The following MAN1A1 variants were observed in gnomAD, a reference collection of about 807,000 sequenced individuals.
The protein encoded by MAN1A1 is mannosyl-oligosaccharide 1,2-alpha-mannosidase IA.
In MAN1A1, 29 loss-of-function variants were observed where a neutral mutation model predicts 70.8. The ratio of observed to expected loss-of-function variants is 0.41; its 90% CI spans 0.31 to 0.56. MAN1A1 has a LOEUF of 0.56. Ranked by LOEUF, MAN1A1 falls within the 20% of genes least tolerant of loss-of-function variation. The pLI is 0.29. For missense variants in MAN1A1, 747 were observed against 841.3 expected (o/e 0.89, Z 1.39); for synonymous variants, 349 against 330.1 (o/e 1.06, Z -0.62).
intron 2 of MAN1A1, among the ~76,000 whole-genome samples, chr6:119,328,550 A>G (rs896404800): frequency 3.9e-5 from 6 of 152,250 alleles, no homozygotes; most frequent in Non-Finnish European, 7.3e-5. Flanking sequence ...ATAAAAACAG[A>G]GAAAAATAAT....
At chr6:119,290,803 A>G (rs1776517589) in intron 4 of MAN1A1, 40 bp from the exon 5 acceptor site, 8 of 1,264,768 alleles carry the variant, frequency 6.3e-6, no homozygotes, top group Non-Finnish European at 8.0e-6. Context: ...ATAGTACACA[A>G]TTCAGAAAAC....
intron 6 of MAN1A1, among the ~76,000 whole-genome samples, chr6:119,222,544 C>T (rs1055550557): frequency 2.0e-5 from 3 of 151,986 alleles, no homozygotes; most frequent in African/African-American, 7.2e-5. Context: ...CCAGGCTGGT[C>T]TCAAACTCCT....
At chr6:119,280,929 A>G (rs1439811991) in intron 5 of MAN1A1, among the ~76,000 whole-genome samples, 2 of 152,252 alleles carry the variant, frequency 1.3e-5, no homozygotes, top group African/African-American at 4.8e-5. Context: ...GGTGGAAGGA[A>G]AAGCACCAGG....
chr6:119,320,405 A>T (rs1772974299), intron 2 of MAN1A1, among the ~76,000 whole-genome samples: 1 of 152,236 alleles, frequency 6.6e-6, no homozygotes, highest in South Asian at 2.1e-4. Context: ...TAGAGTGATC[A>T]GCTCAAAACT....
chr6:119,306,991 A>C lies in MAN1A1; in HGVS notation c.605T>G (p.Met202Arg). 1.3e-6 allele frequency: 2 copies of C among 1,550,986 alleles called. No individual in the cohort carries two copies. The highest frequency in any genetic ancestry group is 1.8e-6 in the Non-Finnish European group (2 of 1,126,230). Residue 202 changes from methionine to arginine, a missense_variant and splice_region_variant, in exon 3 of 13, where the codon ATG (methionine) becomes AGG (arginine). Around this residue, in one of 2 missense-constraint regions of MAN1A1, gnomAD observed 328 missense variants for 293.1 expected, o/e 1.12. Transcript: ENST00000368468. ...ATAATTATTCCAAGCATGTTTCATC[A>C]TCTGAAAAAAAAAATAAAAACAGGA... ...IREKRAKIKE[M>R]MKHAWNNYKG...
Position 119,348,831 on chromosome 6 carries a change from C to T in MAN1A1, c.235G>A (p.Ala79Thr), listed in dbSNP as rs774702832. 116 of 1,477,654 alleles carry T rather than the reference C, an allele frequency of 7.9e-5. No homozygotes were observed. The highest frequency in any genetic ancestry group is 1.0e-4 in the Non-Finnish European group (114 of 1,111,784). The allele number at this position is 1,477,654 out of a possible 1,614,324, so 91.5% of individuals were successfully genotyped here. A position where few individuals can be genotyped will look rare whatever the true frequency, so the allele number is the denominator to read the frequency against. Residue 79 changes from alanine to threonine, a missense_variant, in exon 2 of 13, where the codon GCC becomes ACC. Around this residue, in one of 2 missense-constraint regions of MAN1A1, gnomAD observed 328 missense variants for 293.1 expected, o/e 1.12. Transcript: ENST00000368468. ...LSGVLFHSSP[A>T]LQPAADHKPG... The stretch of plus-strand genomic sequence containing the variant: ...TTGTGGTCGGCGGCCGGCTGCAAGG[C>T]GGGGCTGGAGTGGAACAGGACCCCG...
At chr6:119,349,832 G>T, upstream of MAN1A1, 1 of 865,814 alleles carries the variant, frequency 1.2e-6, no homozygotes, top group Non-Finnish European at 1.4e-6. Context: ...CGGCGCGGCC[G>T]GGCCAATCAC....
intron 2 of MAN1A1, 106 bp from the exon 3 acceptor site, chr6:119,307,098 T>C: frequency 1.4e-6 from 1 of 713,640 alleles, no homozygotes; most frequent in East Asian, 2.6e-5. Flanking sequence ...AATTCATTAG[T>C]TAAAAGGATG....
chr6:119,318,106 T>C (rs1772904290), intron 2 of MAN1A1, among the ~76,000 whole-genome samples: 1 of 152,216 alleles, frequency 6.6e-6, no homozygotes, highest in Non-Finnish European at 1.5e-5. Flanking sequence ...CCAGAAATGC[T>C]GGTTCCTAAG....
chr6:119,197,336 A>T (rs1773597575), intron 8 of MAN1A1, among the ~76,000 whole-genome samples: 1 of 152,060 alleles, frequency 6.6e-6, no homozygotes, highest in African/African-American at 2.4e-5. Context: ...AAGGGGCAAA[A>T]AGATAGATCA....
intron 5 of MAN1A1, among the ~76,000 whole-genome samples, chr6:119,268,130 T>C (rs1775809963): frequency 6.6e-6 from 1 of 152,216 alleles, no homozygotes. Flanking sequence ...GTTGTAAAAA[T>C]GGTGATTTTC....
intron 2 of MAN1A1, among the ~76,000 whole-genome samples, chr6:119,339,365 A>G (rs1309519518): frequency 1.3e-5 from 2 of 152,246 alleles, no homozygotes; most frequent in African/African-American, 4.8e-5. Flanking sequence ...TAAAAACAAA[A>G]AAGTGGAAAT....
At chr6:119,309,982 T>C (rs530171419) in intron 2 of MAN1A1, among the ~76,000 whole-genome samples, 1 of 152,332 alleles carries the variant, frequency 6.6e-6, no homozygotes, top group East Asian at 1.9e-4. Flanking sequence ...AAGGGAAGTA[T>C]ACAGGATGCT....
intron 1 of MAN1A1, 45 bp from the exon 2 acceptor site, chr6:119,349,332 A>G (rs1773838679): frequency 3.5e-6 from 4 of 1,149,328 alleles, no homozygotes; most frequent in African/African-American, 3.2e-5. Flanking sequence ...CGGCGATGAT[A>G]AAGTTTCCAG....
At chr6:119,330,147 T>G (rs1016193964) in intron 2 of MAN1A1, among the ~76,000 whole-genome samples, 1 of 152,206 alleles carries the variant, frequency 6.6e-6, no homozygotes, top group Non-Finnish European at 1.5e-5. Context: ...AGATCTTATT[T>G]ATTTCCATAG....
intron 2 of MAN1A1, among the ~76,000 whole-genome samples, chr6:119,318,421 A>T (rs936645253): frequency 2.0e-5 from 3 of 152,212 alleles, no homozygotes; most frequent in Non-Finnish European, 4.4e-5. Context: ...GAAGCCTAAC[A>T]TATATTACCT....
At chr6:119,217,166 T>A (rs1774228582) in intron 6 of MAN1A1, among the ~76,000 whole-genome samples, 1 of 152,234 alleles carries the variant, frequency 6.6e-6, no homozygotes, top group Admixed American at 6.5e-5. Flanking sequence ...ACTGGGCATT[T>A]ATCAAACTTT....
intron 6 of MAN1A1, among the ~76,000 whole-genome samples, chr6:119,225,043 C>T (rs1370107478): frequency 2.0e-5 from 3 of 152,036 alleles, no homozygotes; most frequent in Non-Finnish European, 4.4e-5. Flanking sequence ...AGGAGAACTG[C>T]TTGAACCCGG....
At chr6:119,254,319 G>T (rs1775404873) in intron 5 of MAN1A1, among the ~76,000 whole-genome samples, 1 of 152,198 alleles carries the variant, frequency 6.6e-6, no homozygotes, top group African/African-American at 2.4e-5. Flanking sequence ...TCCATGTGAG[G>T]CCTGAGCGGG....
Sources: allele counts gnomAD v4.1 joint callset (sites outside exome capture counted in the v4.1 genomes callset), GRCh38; gene constraint gnomAD v4.1.1; regional missense constraint gnomAD v4.1.1; transcripts MANE v1.5; gene names NCBI Gene and HGNC (gene_info 2026-07-23, HGNC 2026-07-21).